Variants in CAMTA1 observed in about 807,000 individuals in gnomAD.
CAMTA1 encodes calmodulin binding transcription activator 1.
Under a neutral mutation model 170.9 loss-of-function variants are expected in CAMTA1, and 27 were observed. The ratio of observed to expected loss-of-function variants is 0.16; its 90% CI spans 0.12 to 0.22. CAMTA1 has a LOEUF of 0.22. Among genes scored for constraint, CAMTA1 ranks in the 10% least tolerant of loss-of-function variants. The probability of loss-of-function intolerance (pLI) is 1.00; values close to 1 mark genes in which losing one functional copy is unlikely to be tolerated. For synonymous variants in CAMTA1, 833 were observed against 891.5 expected (o/e 0.93, Z 1.17); for missense variants, 1,619 against 2,217.2 (o/e 0.73, Z 5.42).
At chr1:6,958,192 GC>G (rs972553833) in intron 3 of CAMTA1, among the ~76,000 whole-genome samples, 16 of 152,108 alleles carry the variant, frequency 1.1e-4, no homozygotes, top group Non-Finnish European at 2.1e-4. Context: ...TTTCCCCTAG[GC>G]CCCTCCCTGG....
chr1:7,612,546 C>T (rs2095531034), intron 6 of CAMTA1, among the ~76,000 whole-genome samples: 1 of 152,192 alleles, frequency 6.6e-6, no homozygotes, highest in African/African-American at 2.4e-5. Flanking sequence ...CCATTTAGGG[C>T]TGCAGGTTTC....
chr1:7,506,843 A>C lies in CAMTA1; in HGVS notation c.510+38942A>C, dbSNP rs114494098. 8.2e-3 allele frequency among the ~76,000 whole-genome samples: 1,243 copies of C among 151,610 alleles called. 12 individuals are homozygous for C. Among genetic ancestry groups the C allele is most frequent in the African/African-American group, 0.029 (1,171 of 40,966 alleles). On this transcript the variant is annotated intron_variant, in intron 6 of 22. Transcript: ENST00000303635. ...CAGAACTACACCCATGCTTACACTC[A>C]AAAATCACACAGAATTCACACTCGC...
At chr1:7,724,206 A>G (rs1210519663) in intron 11 of CAMTA1, among the ~76,000 whole-genome samples, 1 of 149,186 alleles carries the variant, frequency 6.7e-6, no homozygotes, top group Non-Finnish European at 1.5e-5. Flanking sequence ...AACTAAACAC[A>G]ATGCGGGATC....
intron 5 of CAMTA1, among the ~76,000 whole-genome samples, chr1:7,460,976 C>A (rs2093072708): frequency 1.3e-5 from 2 of 152,104 alleles, no homozygotes; most frequent in African/African-American, 4.8e-5. Context: ...CTACCGGTGG[C>A]CTGGCTGCTA....
chr1:7,589,336 G>T (rs1016028755), intron 6 of CAMTA1, among the ~76,000 whole-genome samples: 1 of 152,188 alleles, frequency 6.6e-6, no homozygotes, highest in African/African-American at 2.4e-5. Flanking sequence ...CTGTGGCAGG[G>T]TTCCCCACAT....
chr1:7,362,507 CT>C (rs2085620515), intron 5 of CAMTA1, among the ~76,000 whole-genome samples: 1 of 151,780 alleles, frequency 6.6e-6, no homozygotes, highest in Non-Finnish European at 1.5e-5. Flanking sequence ...AGTTGGTAGA[CT>C]TGGGTAGAGG....
At chr1:7,102,316 C>T (rs1035391174) in intron 4 of CAMTA1, among the ~76,000 whole-genome samples, 24 of 152,138 alleles carry the variant, frequency 1.6e-4, no homozygotes, top group Non-Finnish European at 2.9e-4. Flanking sequence ...CAGCCACGTC[C>T]GGGAGGGGAG....
At chr1:7,751,810 G>A (rs569087229) in intron 20 of CAMTA1, among the ~76,000 whole-genome samples, 34 of 151,942 alleles carry the variant, frequency 2.2e-4, no homozygotes, top group Middle Eastern at 6.8e-3. Flanking sequence ...GATTTTCAAT[G>A]TGAAAATAAA....
intron 3 of CAMTA1, among the ~76,000 whole-genome samples, chr1:6,959,077 T>A (rs948706457): frequency 3.9e-5 from 6 of 152,354 alleles, no homozygotes; most frequent in Admixed American, 3.9e-4. Flanking sequence ...TTGAGTATTT[T>A]GGCAGAGTCC....
In CAMTA1 at chr1:7,103,714, GAC is replaced by G. The variant is rs555088217; in HGVS notation, c.302+12349_302+12350del. Among the ~76,000 whole-genome samples the G allele has an allele frequency of 5.3e-3, 770 of 143,938 alleles. 4 individuals are homozygous for G. Among genetic ancestry groups the G allele is most frequent in the African/African-American group, 0.018 (706 of 38,452 alleles). The allele number at this position is 143,938 out of a possible 152,430, so 94.4% of individuals were successfully genotyped here. On this transcript the variant is annotated intron_variant, in intron 4 of 22. Coordinates refer to ENST00000303635, the MANE Select transcript of CAMTA1 (RefSeq NM_015215.4). ...GATACAACTACACATATGTATACAT[GAC>G]ACACATGTACACACCACACATGTAC... is the stretch of plus-strand genomic sequence containing the variant.
intron 6 of CAMTA1, among the ~76,000 whole-genome samples, chr1:7,591,108 A>G (rs2095352243): frequency 1.3e-5 from 2 of 152,170 alleles, no homozygotes; most frequent in Non-Finnish European, 2.9e-5. Flanking sequence ...CCTCACTCCG[A>G]AACTGAAGTA....
At chr1:7,752,660 T>G in intron 21 of CAMTA1, 127 bp downstream of exon 21, 1 of 687,112 alleles carries the variant, frequency 1.5e-6, no homozygotes. Context: ...ACGTCCCAAA[T>G]TACAATAGGG....
intron 4 of CAMTA1, among the ~76,000 whole-genome samples, chr1:7,205,886 C>T (rs1353735679): frequency 6.6e-6 from 1 of 152,062 alleles, no homozygotes; most frequent in Non-Finnish European, 1.5e-5. Context: ...AGAATTCATT[C>T]TTGTGCTTGG....
intron 5 of CAMTA1, among the ~76,000 whole-genome samples, chr1:7,261,463 T>C (rs1161350312): frequency 6.6e-6 from 1 of 152,224 alleles, no homozygotes; most frequent in Non-Finnish European, 1.5e-5. Context: ...TAAGAGTAAC[T>C]ATTAGATCTC....
chr1:7,223,650 T>C (rs1202091377), intron 4 of CAMTA1, among the ~76,000 whole-genome samples: 3 of 152,130 alleles, frequency 2.0e-5, no homozygotes, highest in Non-Finnish European at 4.4e-5. Context: ...ATATGCAACA[T>C]AAATAGTAAT....
At chr1:7,363,870 TCAAAGGCATAG>T (rs2085762909) in intron 5 of CAMTA1, among the ~76,000 whole-genome samples, 1 of 152,050 alleles carries the variant, frequency 6.6e-6, no homozygotes, top group South Asian at 2.1e-4. Flanking sequence ...GTAGCCCCCC[TCAAAGGCATAG>T]CAAGCCAGAG....
At chr1:7,703,653 A>G (rs1333846462) in intron 11 of CAMTA1, among the ~76,000 whole-genome samples, 3 of 152,218 alleles carry the variant, frequency 2.0e-5, no homozygotes, top group Non-Finnish European at 4.4e-5. Flanking sequence ...TGGCAGAGAC[A>G]TGGCCGATTT....
At chr1:7,058,474 G>A (rs575732168) in intron 3 of CAMTA1, among the ~76,000 whole-genome samples, 3 of 152,176 alleles carry the variant, frequency 2.0e-5, no homozygotes, top group East Asian at 1.9e-4. Context: ...GAGTTGGTGC[G>A]ACTGCTTGAA....
At chr1:7,589,163 A>G (rs1369170211) in intron 6 of CAMTA1, among the ~76,000 whole-genome samples, 1 of 152,150 alleles carries the variant, frequency 6.6e-6, no homozygotes, top group Non-Finnish European at 1.5e-5. Context: ...TTGAGGGCCG[A>G]CAGGGTCAGG....
Sources: gnomAD v4.1 joint callset for allele counts (sites outside exome capture counted in the v4.1 genomes callset) on GRCh38, gnomAD v4.1.1 for gene constraint, MANE v1.5 for transcripts, NCBI Gene and HGNC (gene_info 2026-07-23, HGNC 2026-07-21) for gene names.